The following IL33 variants were observed in gnomAD, a reference collection of about 807,000 sequenced individuals.
IL33 encodes interleukin 33.
Under a neutral mutation model 27.3 loss-of-function variants are expected in IL33, and 37 were observed. The ratio of observed to expected loss-of-function variants is 1.36; its 90% CI spans 1.04 to 1.78. The LOEUF (loss-of-function observed/expected upper bound fraction) is 1.78. Ranked by LOEUF, IL33 falls within the 40% of genes most tolerant of loss-of-function variation. IL33 has a pLI of 0.00. For synonymous variants in IL33, 132 were observed against 102.9 expected, an observed-to-expected ratio of 1.28 and a Z score of -1.71; for missense variants, 406 against 311.4, an observed-to-expected ratio of 1.30 and a Z score of -2.29.
At chr9:6,251,114 T>C in intron 3 of IL33, 26 bp from the exon 4 acceptor site, 1 of 1,608,726 alleles carries the variant, frequency 6.2e-7, no homozygotes, top group Non-Finnish European at 8.5e-7. Flanking sequence ...ATTGATGGTC[T>C]ATCCCTAATC....
intron 4 of IL33, 83 bp downstream of exon 4, chr9:6,251,348 TC>T: frequency 1.9e-6 from 3 of 1,574,330 alleles, no homozygotes; most frequent in Middle Eastern, 1.9e-4. Flanking sequence ...CAGGTAGCAG[TC>T]CCAAGTCTGT....
At chr9:6,248,802 T>C (rs1160794323) in intron 2 of IL33, among the ~76,000 whole-genome samples, 3 of 151,856 alleles carry the variant, frequency 2.0e-5, no homozygotes, top group African/African-American at 7.3e-5. Flanking sequence ...TGGTCTTGAA[T>C]GTCTAGCCTC....
intron 2 of IL33, among the ~76,000 whole-genome samples, chr9:6,249,934 T>C (rs1352378914): frequency 6.6e-6 from 1 of 152,142 alleles, no homozygotes; most frequent in East Asian, 1.9e-4. Flanking sequence ...CAGCAATCCC[T>C]CCAAAATTAT....
At chr9:6,248,854 C>T (rs1393389875) in intron 2 of IL33, among the ~76,000 whole-genome samples, 1 of 152,064 alleles carries the variant, frequency 6.6e-6, no homozygotes, top group Non-Finnish European at 1.5e-5. Context: ...GCTGGGATTA[C>T]AGGTGTGAGC....
intron 1 of IL33, among the ~76,000 whole-genome samples, chr9:6,228,922 G>A (rs567399003): frequency 1.2e-3 from 177 of 151,708 alleles, no homozygotes; most frequent in Middle Eastern, 0.01. Flanking sequence ...ACCAAAAAAT[G>A]CTGCAGACTC....
chr9:6,223,053 T>C (rs969927548), intron 1 of IL33, among the ~76,000 whole-genome samples: 2 of 152,214 alleles, frequency 1.3e-5, no homozygotes, highest in Non-Finnish European at 2.9e-5. Flanking sequence ...CTTATACCTT[T>C]GAAGGCTCCT....
Position 6,256,064 on chromosome 9 carries a change from G to A in IL33, c.709G>A (p.Gly237Arg). Residue 237 changes from glycine to arginine, a missense_variant, in exon 8 of 8, where the codon GGA becomes AGA. Coordinates refer to ENST00000682010, the MANE Select transcript of IL33 (RefSeq NM_033439.4). ...CVSFECKTDPGVFIGVKDNHL... is the reference protein window; with the variant it reads ...CVSFECKTDPRVFIGVKDNHL... ...TTCATTTGAATGCAAGACTGATCCTGGAGTGTTTATAGGTGTAAAGGATAA... is the reference window on the plus strand; with the variant it reads ...TTCATTTGAATGCAAGACTGATCCTAGAGTGTTTATAGGTGTAAAGGATAA... 6.2e-7 allele frequency: 1 copy of A among 1,613,096 alleles called. No individual in the cohort carries two copies. Among genetic ancestry groups the A allele is most frequent in the Non-Finnish European group, 8.5e-7 (1 of 1,179,174 alleles).
At chr9:6,220,612 A>G (rs970732255) in intron 1 of IL33, among the ~76,000 whole-genome samples, 4 of 152,170 alleles carry the variant, frequency 2.6e-5, no homozygotes, top group Non-Finnish European at 4.4e-5. Context: ...TATTAGTTCC[A>G]AAGTTTTTCC....
chr9:6,232,650 A>C (rs898691147), intron 1 of IL33, among the ~76,000 whole-genome samples: 1 of 152,132 alleles, frequency 6.6e-6, no homozygotes, highest in Non-Finnish European at 1.5e-5. Flanking sequence ...GGGCTAGTAG[A>C]GAAAGCCTTT....
Position 6,252,792 on chromosome 9 carries a change from T to C in IL33, c.344-74T>C. On this transcript the variant is annotated intron_variant, in intron 4 of 7. Transcript: ENST00000682010. ...AATGCAACTCAAATTGCAAAAATGT[T>C]TTTTGAGGGAGCATTTTTTAAAAAG... The C allele has an allele frequency of 8.3e-6, 13 of 1,575,660 alleles. No homozygotes were observed. The South Asian group carries it at 1.4e-4, about 17-fold the overall frequency.
intron 1 of IL33, among the ~76,000 whole-genome samples, chr9:6,240,901 C>T (rs1819489238): frequency 6.6e-6 from 1 of 152,030 alleles, no homozygotes; most frequent in African/African-American, 2.4e-5. Context: ...AAATTTCTTC[C>T]TTTATATCCT....
chr9:6,220,472 T>C (rs1260618874), intron 1 of IL33, among the ~76,000 whole-genome samples: 1 of 152,248 alleles, frequency 6.6e-6, no homozygotes, highest in African/African-American at 2.4e-5. Context: ...GGCTTATTAC[T>C]GGCAATTGTT....
intron 1 of IL33, among the ~76,000 whole-genome samples, chr9:6,237,525 G>A (rs975117928): frequency 1.3e-5 from 2 of 152,136 alleles, no homozygotes; most frequent in Admixed American, 1.3e-4. Context: ...GTTCTTCCAA[G>A]TGCGTTCTCT....
intron 2 of IL33, among the ~76,000 whole-genome samples, chr9:6,246,116 T>C (rs1281986121): frequency 7.7e-6 from 1 of 129,796 alleles, no homozygotes; most frequent in Non-Finnish European, 1.6e-5. Context: ...TGGATAATGA[T>C]AGATAGTTGT....
rs1380185415 is a variant in IL33, at chr9:6,254,423, A to C, written c.521-39A>C. 5 of 1,298,114 alleles carry C rather than the reference A, an allele frequency of 3.9e-6. No individual in the cohort carries two copies. In the South Asian group the frequency reaches 4.6e-5, roughly 12 times the overall value. The allele number at this position is 1,298,114 out of a possible 1,614,324, so 80.4% of individuals were successfully genotyped here. On this transcript the variant is annotated intron_variant, in intron 6 of 7. Transcript: ENST00000682010. Reference sequence around the variant, plus strand: ...ATTCATTTAAATAAAGATGAGTTACAGTTCTTAACTTTATCATTTATACTT... The same window carrying C: ...ATTCATTTAAATAAAGATGAGTTACCGTTCTTAACTTTATCATTTATACTT...
chr9:6,247,041 A>G (rs1385910952), intron 2 of IL33, among the ~76,000 whole-genome samples: 1 of 152,180 alleles, frequency 6.6e-6, no homozygotes, highest in Admixed American at 6.5e-5. Flanking sequence ...ACTTGGGGAG[A>G]AAGAAAAACA....
intron 1 of IL33, among the ~76,000 whole-genome samples, chr9:6,228,657 G>C (rs980247100): frequency 5.9e-5 from 9 of 152,016 alleles, no homozygotes; most frequent in African/African-American, 2.2e-4. Flanking sequence ...AGGAGTTCGA[G>C]ACCAGCCTGG....
At chr9:6,229,397 T>C (rs1015471400) in intron 1 of IL33, among the ~76,000 whole-genome samples, 4 of 152,176 alleles carry the variant, frequency 2.6e-5, no homozygotes, top group Non-Finnish European at 4.4e-5. Context: ...TAATTTGAAA[T>C]GTTCAGTCAC....
At position 6,254,535 on chromosome 9, in the gene IL33, C is replaced by A; in HGVS notation, c.594C>A (p.Asn198Lys). Residue 198 changes from asparagine to lysine, a missense_variant, in exon 7 of 8, where the codon AAC becomes AAA. Asn to Lys is a moderately conservative substitution (Grantham distance 94, BLOSUM62 0). Transcript: ENST00000682010. ...PTKDFWLHAN[N>K]KEHSVELHKC... Reference sequence around the variant, plus strand: ...AAGACTTCTGGTTGCATGCCAACAACAAGGAACACTCTGTGGAGGTAAAAA... The same window carrying A: ...AAGACTTCTGGTTGCATGCCAACAAAAAGGAACACTCTGTGGAGGTAAAAA... The A allele has an allele frequency of 6.3e-7, 1 of 1,589,846 alleles. No homozygotes were observed. The highest frequency in any genetic ancestry group is 8.6e-7 in the Non-Finnish European group (1 of 1,166,666).
Sources: allele counts gnomAD v4.1 joint callset (sites outside exome capture counted in the v4.1 genomes callset), GRCh38; gene constraint gnomAD v4.1.1; transcripts MANE v1.5; gene names NCBI Gene and HGNC (gene_info 2026-07-23, HGNC 2026-07-21).